Variants in RIMS2 observed in about 807,000 individuals in gnomAD.
RIMS2 encodes the protein regulating synaptic membrane exocytosis protein 2.
RIMS2 carries 59 observed loss-of-function variants against 174.4 expected under a neutral mutation model. That is an observed-to-expected ratio of 0.34 (90% CI 0.27 to 0.42). The LOEUF (loss-of-function observed/expected upper bound fraction) is 0.42, where lower values mean the gene tolerates loss of function less well. Ranked by LOEUF, RIMS2 falls within the 10% of genes least tolerant of loss-of-function variation. The pLI is 1.00. For synonymous variants in RIMS2, 606 were observed against 572.5 expected, an observed-to-expected ratio of 1.06 and a Z score of -0.84; for missense variants, 1,620 against 1,666.3, an observed-to-expected ratio of 0.97 and a Z score of 0.48.
chr8:103,629,030 C>A (rs1037677383), intron 1 of RIMS2, among the ~76,000 whole-genome samples: 1 of 152,106 alleles, frequency 6.6e-6, no homozygotes, highest in Non-Finnish European at 1.5e-5. Flanking sequence ...CCTTGCCCTG[C>A]AATAGTGAGA....
At chr8:104,106,064 A>AAAAG (rs1440086447) in intron 19 of RIMS2, among the ~76,000 whole-genome samples, 2 of 146,924 alleles carry the variant, frequency 1.4e-5, no homozygotes, top group African/African-American at 2.5e-5. Context: ...AAAAAAAAAA[A>AAAAG]AGAGAAAGAG....
At chr8:103,579,106 A>G (rs1272386020) in intron 1 of RIMS2, among the ~76,000 whole-genome samples, 1 of 152,182 alleles carries the variant, frequency 6.6e-6, no homozygotes, top group Non-Finnish European at 1.5e-5. Flanking sequence ...GAATATGGGA[A>G]GAAATACTTA....
chr8:103,555,596 C>T (rs951805380), intron 1 of RIMS2, among the ~76,000 whole-genome samples: 5 of 151,854 alleles, frequency 3.3e-5, no homozygotes, highest in South Asian at 2.1e-4. Flanking sequence ...TCGCAATTCC[C>T]GAGATATGGA....
intron 22 of RIMS2, among the ~76,000 whole-genome samples, chr8:104,250,206 A>G (rs189436243): frequency 5.7e-4 from 85 of 150,216 alleles, no homozygotes; most frequent in Non-Finnish European, 9.1e-4. Flanking sequence ...TAAGATGTAT[A>G]AAACAATTTC....
At chr8:103,984,550 C>A (rs72683122) in intron 16 of RIMS2, among the ~76,000 whole-genome samples, 19,326 of 152,154 alleles carry the variant, frequency 0.13, 1,705 homozygotes, top group Non-Finnish European at 0.19. Context: ...AAAACAATAA[C>A]AAATGCTGGT....
At chr8:104,049,544 A>T (rs538054245) in intron 19 of RIMS2, among the ~76,000 whole-genome samples, 4 of 152,342 alleles carry the variant, frequency 2.6e-5, no homozygotes, top group Admixed American at 2.0e-4. Flanking sequence ...TACAGGCAAT[A>T]AAACAAGAAA....
chr8:104,206,723 A>T (rs2099082104), intron 19 of RIMS2, among the ~76,000 whole-genome samples: 1 of 152,232 alleles, frequency 6.6e-6, no homozygotes, highest in Non-Finnish European at 1.5e-5. Context: ...AGCCTGTCTG[A>T]TTCCTGAGTT....
intron 19 of RIMS2, among the ~76,000 whole-genome samples, chr8:104,058,810 A>G (rs2096922142): frequency 1.3e-5 from 2 of 152,300 alleles, no homozygotes; most frequent in South Asian, 2.1e-4. Context: ...TCCCAGCACC[A>G]TTTATTAAAT....
intron 1 of RIMS2, among the ~76,000 whole-genome samples, chr8:103,587,812 G>A (rs1051480486): frequency 2.0e-5 from 3 of 151,944 alleles, no homozygotes; most frequent in Non-Finnish European, 4.4e-5. Flanking sequence ...ACTGAATGAG[G>A]AACAACTGAA....
intron 19 of RIMS2, among the ~76,000 whole-genome samples, chr8:104,026,866 A>G (rs1163449914): frequency 6.6e-6 from 1 of 152,108 alleles, no homozygotes; most frequent in Non-Finnish European, 1.5e-5. Context: ...GGAGAATGTT[A>G]GCACCCATAT....
At chr8:104,090,071 A>G (rs549022326) in intron 19 of RIMS2, among the ~76,000 whole-genome samples, 34 of 151,080 alleles carry the variant, frequency 2.3e-4, no homozygotes, top group Non-Finnish European at 4.9e-4. Flanking sequence ...TATATATTAT[A>G]TATATATACA....
At chr8:104,068,651 A>G (rs776452994) in intron 19 of RIMS2, 39 bp downstream of exon 23, 2 of 1,010,672 alleles carry the variant, frequency 2.0e-6, no homozygotes, top group South Asian at 1.4e-5. Context: ...AAAATAATCA[A>G]TCATATGAAA....
chr8:104,148,001 A>G (rs1253218870), intron 19 of RIMS2, among the ~76,000 whole-genome samples: 1 of 152,010 alleles, frequency 6.6e-6, no homozygotes, highest in African/African-American at 2.4e-5. Flanking sequence ...TTATTTTTGT[A>G]ATATAGATTT....
intron 16 of RIMS2, among the ~76,000 whole-genome samples, chr8:103,982,236 A>G (rs1251712318): frequency 6.6e-6 from 1 of 152,180 alleles, no homozygotes; most frequent in Non-Finnish European, 1.5e-5. Context: ...ACAAATAACA[A>G]GATCAAAGCC....
At chr8:104,147,749 C>T (rs1345521040) in intron 19 of RIMS2, among the ~76,000 whole-genome samples, 4 of 152,162 alleles carry the variant, frequency 2.6e-5, no homozygotes, top group East Asian at 3.9e-4. Flanking sequence ...TGGGGGCTAG[C>T]TGGATAGCCT....
At chr8:103,910,090 T>G in intron 4 of RIMS2, 1 of 1,249,348 alleles carries the variant, frequency 8.0e-7, no homozygotes, top group Non-Finnish European at 1.2e-6. Flanking sequence ...CTGTCCCTTT[T>G]TTCACCATCT....
chr8:103,836,443 T>G (rs1311070168), intron 3 of RIMS2, among the ~76,000 whole-genome samples: 2 of 152,076 alleles, frequency 1.3e-5, no homozygotes, highest in Admixed American at 1.3e-4. Context: ...ACACCTGTCA[T>G]CCCAGCTGCT....
chr8:103,619,871 T>C (rs2095595646), intron 1 of RIMS2, among the ~76,000 whole-genome samples: 1 of 152,164 alleles, frequency 6.6e-6, no homozygotes, highest in South Asian at 2.1e-4. Flanking sequence ...AAGATGTATG[T>C]ACATAGCTGG....
chr8:103,833,787 A>G (rs1472994543), intron 3 of RIMS2, among the ~76,000 whole-genome samples: 1 of 152,024 alleles, frequency 6.6e-6, no homozygotes, highest in East Asian at 1.9e-4. Context: ...CATAGTTGTT[A>G]TAGTGGCTTT....
Sources: gnomAD v4.1 joint callset for allele counts (sites outside exome capture counted in the v4.1 genomes callset) on GRCh38, gnomAD v4.1.1 for gene constraint, MANE v1.5 for transcripts, NCBI Gene and HGNC (gene_info 2026-07-23, HGNC 2026-07-21) for gene names.